SEL1L3: variants seen among roughly 807,000 people sequenced by gnomAD.
SEL1L3 encodes the protein SEL1L family member 3, also known as protein sel-1 homolog 3.
In SEL1L3, 76 loss-of-function variants were observed where a neutral mutation model predicts 142.8. The observed-to-expected ratio is 0.53, with a 90% confidence interval of 0.44 to 0.64. SEL1L3 has a LOEUF of 0.64. SEL1L3 is among the 30% of genes least tolerant of loss of function. The pLI is 0.00. For synonymous variants in SEL1L3, 504 were observed against 519.6 expected, an observed-to-expected ratio of 0.97 and a Z score of 0.41; for missense variants, 1,262 against 1,381.7, an observed-to-expected ratio of 0.91 and a Z score of 1.37.
rs1287751227 is a variant in SEL1L3 at position 25,748,096 on chromosome 4, A to G, written c.*329T>C. Reference sequence around the variant, plus strand: ...TGATTCTTAAGACACATCTTAGTGTATAAGAATCCAGATCTGCCGTAGGGC... The same window carrying G: ...TGATTCTTAAGACACATCTTAGTGTGTAAGAATCCAGATCTGCCGTAGGGC... On this transcript the variant is annotated 3_prime_UTR_variant, in exon 24 of 24. Transcript: ENST00000399878. 7.9e-6 allele frequency: 2 copies of G among 253,074 alleles called. No individual in the cohort carries two copies. Among genetic ancestry groups the G allele is most frequent in the Non-Finnish European group, 7.6e-6 (1 of 131,306 alleles). 15.7% of individuals were successfully genotyped at this position (253,074 alleles called of 1,614,324 possible).
intron 14 of SEL1L3, among the ~76,000 whole-genome samples, chr4:25,782,788 C>T (rs1418756174): frequency 2.0e-5 from 3 of 152,148 alleles, no homozygotes; most frequent in Non-Finnish European, 4.4e-5. Context: ...AGGCCTGAAA[C>T]CTGCCCTGAC....
At chr4:25,803,775 TTA>T (rs1474471285) in intron 10 of SEL1L3, among the ~76,000 whole-genome samples, 4 of 150,774 alleles carry the variant, frequency 2.7e-5, no homozygotes, top group Non-Finnish European at 5.9e-5. Flanking sequence ...TCAGGGTTTT[TTA>T]TATGTTTTTT....
At chr4:25,771,212 G>A (rs1466395470) in intron 17 of SEL1L3, among the ~76,000 whole-genome samples, 1 of 152,180 alleles carries the variant, frequency 6.6e-6, no homozygotes, top group East Asian at 1.9e-4. Flanking sequence ...CAAAACTATT[G>A]TCCTTCCTTG....
chr4:25,762,965 ACT>A (rs1317277404), intron 20 of SEL1L3, among the ~76,000 whole-genome samples: 1 of 141,176 alleles, frequency 7.1e-6, no homozygotes, highest in Non-Finnish European at 1.5e-5. Flanking sequence ...ACAGAGTGAG[ACT>A]CTGTGTCAAA....
At chr4:25,781,777 T>C (rs988328782) in intron 15 of SEL1L3, among the ~76,000 whole-genome samples, 8 of 152,224 alleles carry the variant, frequency 5.3e-5, no homozygotes, top group Non-Finnish European at 1.2e-4. Flanking sequence ...GTGTTTTGCA[T>C]GGTGCTTGGC....
chr4:25,779,178 T>C lies in SEL1L3; in HGVS notation c.2483A>G (p.Lys828Arg). 1 of 1,613,570 alleles carries C rather than the reference T, an allele frequency of 6.2e-7. No homozygotes were observed. The highest frequency in any genetic ancestry group is 8.5e-7 in the Non-Finnish European group (1 of 1,179,590). ...NQTLAGEYFH[K>R]AAQGGHMEGT... ...TTCCATGTGTCCACCTTGCGCAGCC[T>C]TATGGAAATATTCACCAGCTAAAGT... Residue 828 changes from lysine to arginine, a missense_variant, in exon 16 of 24, where the codon AAG (lysine) becomes AGG (arginine). Physicochemically the swap from Lys to Arg is conservative, Grantham distance 26. This residue lies in a region of SEL1L3 where 435 missense variants were observed against 559.2 expected (regional missense o/e 0.78). Coordinates refer to ENST00000399878, the MANE Select transcript of SEL1L3 (RefSeq NM_015187.5).
chr4:25,759,346 A>T, intron 20 of SEL1L3: 1 of 351,266 alleles, frequency 2.8e-6, no homozygotes, highest in East Asian at 5.8e-5. Context: ...ACTCTCTCAG[A>T]ATAGAACTTA....
chr4:25,787,506 G>T (rs1050366890), intron 13 of SEL1L3, among the ~76,000 whole-genome samples: 3 of 152,192 alleles, frequency 2.0e-5, no homozygotes, highest in African/African-American at 7.2e-5. Flanking sequence ...TTTTAGTAGA[G>T]ACGGGGTTTC....
At chr4:25,729,533 G>A in the SEL1L3 span, among the ~76,000 whole-genome samples, 1 of 152,150 alleles carries the variant, frequency 6.6e-6, no homozygotes, top group African/African-American at 2.4e-5. Flanking sequence ...GGACAATGTG[G>A]TGAAACCCCT....
At chr4:25,793,666 T>C (rs1160001636) in intron 11 of SEL1L3, among the ~76,000 whole-genome samples, 1 of 152,186 alleles carries the variant, frequency 6.6e-6, no homozygotes, top group African/African-American at 2.4e-5. Context: ...CACCACTACT[T>C]ACCTTAGGCC....
intron 7 of SEL1L3, among the ~76,000 whole-genome samples, chr4:25,820,360 C>T (rs1239354529): frequency 6.6e-6 from 1 of 152,248 alleles, no homozygotes; most frequent in Non-Finnish European, 1.5e-5. Context: ...GCTGCAAGGC[C>T]ATGGCTTCAG....
At chr4:25,731,892 A>G in the SEL1L3 span, among the ~76,000 whole-genome samples, 1 of 152,014 alleles carries the variant, frequency 6.6e-6, no homozygotes, top group Non-Finnish European at 1.5e-5. Flanking sequence ...GCCCAACATG[A>G]CGAAAACCCA....
At chr4:25,796,402 C>T (rs1279912882) in intron 11 of SEL1L3, among the ~76,000 whole-genome samples, 1 of 151,792 alleles carries the variant, frequency 6.6e-6, no homozygotes, top group African/African-American at 2.4e-5. Flanking sequence ...TGACACCAGC[C>T]TGGGCAACAT....
At chr4:25,837,665 C>T (rs1290887858) in intron 2 of SEL1L3, among the ~76,000 whole-genome samples, 1 of 151,954 alleles carries the variant, frequency 6.6e-6, no homozygotes, top group Non-Finnish European at 1.5e-5. Context: ...GCAGTTTGCC[C>T]TCAGTATGAT....
intron 8 of SEL1L3, among the ~76,000 whole-genome samples, chr4:25,819,004 T>C (rs1018934303): frequency 2.0e-5 from 3 of 152,298 alleles, no homozygotes; most frequent in South Asian, 4.1e-4. Flanking sequence ...GCTCTGGAGA[T>C]AGAGACATAT....
intron 6 of SEL1L3, among the ~76,000 whole-genome samples, chr4:25,824,587 C>T (rs1714975265): frequency 6.6e-6 from 1 of 152,220 alleles, no homozygotes; most frequent in Non-Finnish European, 1.5e-5. Flanking sequence ...TTGGCTCCCA[C>T]ATCTTGAGTT....
chr4:25,851,613 G>A (rs1400560414), intron 1 of SEL1L3, among the ~76,000 whole-genome samples: 5 of 151,968 alleles, frequency 3.3e-5, no homozygotes, highest in South Asian at 2.1e-4. Flanking sequence ...AAAGTGGGCC[G>A]GGCATGGTGG....
At chr4:25,855,770 A>C (rs1717219024) in intron 1 of SEL1L3, among the ~76,000 whole-genome samples, 2 of 152,194 alleles carry the variant, frequency 1.3e-5, no homozygotes. Context: ...CAGGAAAAAA[A>C]AAAAGCACTG....
chr4:25,833,741 T>C (rs1715594449), intron 3 of SEL1L3, among the ~76,000 whole-genome samples, 172 bp from the exon 4 acceptor site: 1 of 152,190 alleles, frequency 6.6e-6, no homozygotes, highest in African/African-American at 2.4e-5. Context: ...ACAAAGGAGG[T>C]AGTTAAAGTA....
Sources: allele counts gnomAD v4.1 joint callset (sites outside exome capture counted in the v4.1 genomes callset), GRCh38; gene constraint gnomAD v4.1.1; regional missense constraint gnomAD v4.1.1; transcripts MANE v1.5; gene names NCBI Gene and HGNC (gene_info 2026-07-23, HGNC 2026-07-21).